Variants in CTNND2 observed in about 807,000 individuals in gnomAD.
The protein encoded by CTNND2 is catenin delta-2.
Under a neutral mutation model 144.4 loss-of-function variants are expected in CTNND2, and 22 were observed. The observed-to-expected ratio is 0.15, with a 90% CI of 0.11 to 0.22. CTNND2 has a LOEUF of 0.22. Among genes scored for constraint, CTNND2 ranks in the 10% least tolerant of loss-of-function variants. The probability of loss-of-function intolerance (pLI) is 1.00; values close to 1 mark genes in which losing one functional copy is unlikely to be tolerated. For synonymous variants in CTNND2, 751 were observed against 695.6 expected (o/e 1.08, Z -1.25); for missense variants, 1,353 against 1,618.8 (o/e 0.84, Z 2.82).
rs1204498833 is a variant in CTNND2 at position 10,988,029 on chromosome 5, G to A, written c.3343+82C>T. 2.1e-5 allele frequency: 33 copies of A among 1,571,462 alleles called. No individual in the cohort carries two copies. Among genetic ancestry groups the A allele is most frequent in the Non-Finnish European group, 2.7e-5 (31 of 1,154,398 alleles). ...TCAGCAGCCAAGCGCAGCCAGCCCC[G>A]TGAAGCCTGATGTCCCATATCTCTG... On this transcript the variant is annotated intron_variant, in intron 20 of 21. Transcript: ENST00000304623. This position sits in a 1 kb window ranked among gnomAD's most constrained non-coding sequence, Gnocchi z 5.9.
At chr5:11,570,820 T>G (rs12514132) in intron 2 of CTNND2, among the ~76,000 whole-genome samples, 11,405 of 152,142 alleles carry the variant, frequency 0.075, 653 homozygotes, top group East Asian at 0.28. Flanking sequence ...TTTTGAAAAT[T>G]TTTAATGCTT....
chr5:11,475,280 G>T (rs1266614571), intron 3 of CTNND2, among the ~76,000 whole-genome samples: 2 of 152,202 alleles, frequency 1.3e-5, no homozygotes, highest in Admixed American at 6.5e-5. Context: ...CAAGTAGCCA[G>T]GTTGCTAGGA....
At chr5:11,607,879 C>T (rs1423875192) in intron 2 of CTNND2, among the ~76,000 whole-genome samples, 1 of 152,102 alleles carries the variant, frequency 6.6e-6, no homozygotes, top group Non-Finnish European at 1.5e-5. Flanking sequence ...AGGCCCCATG[C>T]AAGGAATGTG....
intron 1 of CTNND2, among the ~76,000 whole-genome samples, chr5:11,749,053 A>G (rs1788467402): frequency 6.6e-6 from 1 of 151,994 alleles, no homozygotes; most frequent in African/African-American, 2.4e-5. Context: ...AGGAAAAACT[A>G]AAGCCTCCTA....
chr5:11,607,261 T>C (rs967956574), intron 2 of CTNND2, among the ~76,000 whole-genome samples: 8 of 152,170 alleles, frequency 5.3e-5, no homozygotes, highest in Non-Finnish European at 7.3e-5. Context: ...AGCCACTTGG[T>C]TTCTGGTAGC....
chr5:11,595,690 T>C (rs144251487), intron 2 of CTNND2, among the ~76,000 whole-genome samples: 1 of 152,280 alleles, frequency 6.6e-6, no homozygotes, highest in African/African-American at 2.4e-5. Flanking sequence ...TTTAAACCCA[T>C]TGGCATACCT....
intron 2 of CTNND2, among the ~76,000 whole-genome samples, chr5:11,648,996 T>A (rs1055838162): frequency 4.6e-5 from 7 of 152,200 alleles, no homozygotes; most frequent in Admixed American, 3.3e-4. Flanking sequence ...TTAATTCCCA[T>A]CCCTTTCAGA....
intron 15 of CTNND2, among the ~76,000 whole-genome samples, chr5:11,087,902 T>C (rs1193759891): frequency 1.3e-5 from 2 of 152,188 alleles, no homozygotes; most frequent in African/African-American, 4.8e-5. Context: ...TAGATGTGTT[T>C]TTGTAGTAAG....
intron 10 of CTNND2, among the ~76,000 whole-genome samples, chr5:11,232,797 G>A (rs1561061924): frequency 6.6e-6 from 1 of 152,136 alleles, no homozygotes; most frequent in Non-Finnish European, 1.5e-5. Flanking sequence ...ACCAGGCATG[G>A]AATGATATCG....
chr5:10,984,581 CCTCA>C (rs1174526449), intron 20 of CTNND2, among the ~76,000 whole-genome samples: 1 of 152,082 alleles, frequency 6.6e-6, no homozygotes, highest in African/African-American at 2.4e-5. Flanking sequence ...AGTTCTTTCC[CCTCA>C]CTCGTTTAAA....
chr5:11,202,010 G>A (rs1419681765), intron 10 of CTNND2, among the ~76,000 whole-genome samples: 1 of 152,174 alleles, frequency 6.6e-6, no homozygotes, highest in African/African-American at 2.4e-5. Context: ...CTTTCTCTAT[G>A]AGTGTATATT....
intron 7 of CTNND2, among the ~76,000 whole-genome samples, chr5:11,367,118 T>C (rs987792897): frequency 6.6e-5 from 10 of 152,374 alleles, no homozygotes; most frequent in African/African-American, 1.2e-4. Context: ...TGTTTCCCTG[T>C]GTAAATGCTT....
intron 15 of CTNND2, among the ~76,000 whole-genome samples, chr5:11,086,776 C>T (rs1197280104): frequency 6.6e-6 from 1 of 152,222 alleles, no homozygotes; most frequent in Non-Finnish European, 1.5e-5. Flanking sequence ...GCTATAAATA[C>T]AACTGATGGT....
intron 1 of CTNND2, among the ~76,000 whole-genome samples, chr5:11,787,760 T>C (rs1449162421): frequency 6.6e-6 from 1 of 152,238 alleles, no homozygotes. Flanking sequence ...TGGATTACTT[T>C]GTACAGTTAT....
At chr5:11,584,214 A>G (rs1778652968) in intron 2 of CTNND2, among the ~76,000 whole-genome samples, 1 of 152,174 alleles carries the variant, frequency 6.6e-6, no homozygotes, top group African/African-American at 2.4e-5. Flanking sequence ...GACTAATGCG[A>G]AAGCTATGCA....
At chr5:11,644,466 A>T (rs1342659202) in intron 2 of CTNND2, among the ~76,000 whole-genome samples, 1 of 152,182 alleles carries the variant, frequency 6.6e-6, no homozygotes, top group Non-Finnish European at 1.5e-5. Context: ...GGAGGTCAGG[A>T]GATCAAGACC....
chr5:11,368,955 T>C (rs183215713), intron 7 of CTNND2, among the ~76,000 whole-genome samples: 10 of 152,362 alleles, frequency 6.6e-5, no homozygotes, highest in Admixed American at 6.5e-4. Flanking sequence ...CCAATGAATC[T>C]TTGAATCAAT....
chr5:11,199,502 G>C lies in CTNND2; in HGVS notation c.1921C>G (p.Leu641Val). The change falls in exon 11 of 22, where the codon CTG becomes GTG. Residue 641 changes from leucine (L) to valine (V), a missense_variant. By Grantham distance (32) the Leu-to-Val change is conservative (BLOSUM62 1). Transcript: ENST00000304623. Reference sequence around the variant, plus strand: ...GTCGTCTTGCGGAGTAACCTCACCAGTGCTGGGATGCCACCACAGTTTTTC... The same window carrying C: ...GTCGTCTTGCGGAGTAACCTCACCACTGCTGGGATGCCACCACAGTTTTTC... ...ALKNCGGIPALVRLLRKTTDL... is the reference protein window; with the variant it reads ...ALKNCGGIPAVVRLLRKTTDL... 6.2e-7 allele frequency: 1 copy of C among 1,614,190 alleles called. No individual in the cohort carries two copies.
intron 2 of CTNND2, among the ~76,000 whole-genome samples, chr5:11,694,649 T>C (rs1486373346): frequency 1.3e-5 from 2 of 152,178 alleles, no homozygotes; most frequent in Non-Finnish European, 2.9e-5. Context: ...CATTTTAACA[T>C]ACACAAGCTC....
Sources: allele counts gnomAD v4.1 joint callset (sites outside exome capture counted in the v4.1 genomes callset), GRCh38; gene constraint gnomAD v4.1.1; non-coding constraint Gnocchi (gnomAD v3.1); transcripts MANE v1.5; gene names NCBI Gene and HGNC (gene_info 2026-07-23, HGNC 2026-07-21).